Variants in SYN3 observed in about 807,000 individuals in gnomAD.
The protein encoded by SYN3 is synapsin III, also known as synapsin-3.
SYN3 carries 35 observed loss-of-function variants against 65.8 expected under a neutral mutation model. The observed-to-expected ratio is 0.53, with a 90% CI of 0.41 to 0.70. The LOEUF (loss-of-function observed/expected upper bound fraction) is 0.70, where lower values mean the gene tolerates loss of function less well. Among genes scored for constraint, SYN3 ranks in the 30% least tolerant of loss-of-function variants. SYN3 has a pLI of 0.00. For synonymous variants in SYN3, 270 were observed against 292.9 expected (o/e 0.92, Z 0.80); for missense variants, 680 against 749.0 (o/e 0.91, Z 1.08).
intron 2 of SYN3, among the ~76,000 whole-genome samples, chr22:32,985,333 TAAAC>T (rs1054896387): frequency 6.6e-6 from 1 of 152,036 alleles, no homozygotes; most frequent in Non-Finnish European, 1.5e-5. Context: ...GACCCACAAA[TAAAC>T]AAAACAATCT....
chr22:32,674,433 G>T (rs1223801486), intron 6 of SYN3, among the ~76,000 whole-genome samples: 1 of 152,312 alleles, frequency 6.6e-6, no homozygotes, highest in African/African-American at 2.4e-5. Context: ...CTTTGCTTCT[G>T]TTGCTCTCTT....
intron 9 of SYN3, 103 bp from the exon 10 acceptor site, chr22:32,533,998 G>A: frequency 1.4e-6 from 1 of 702,092 alleles, no homozygotes; most frequent in Non-Finnish European, 2.5e-6. Flanking sequence ...GGGAGGGACA[G>A]TGACTCACAC....
chr22:32,934,870 G>A (rs1024776743), intron 3 of SYN3, among the ~76,000 whole-genome samples: 9 of 152,120 alleles, frequency 5.9e-5, no homozygotes, highest in Admixed American at 4.6e-4. Context: ...GAGAAGAGAC[G>A]AGGAAAAGAC....
intron 7 of SYN3, among the ~76,000 whole-genome samples, chr22:32,585,638 A>C (rs1015775410): frequency 6.6e-6 from 1 of 152,184 alleles, no homozygotes; most frequent in South Asian, 2.1e-4. Context: ...TGGCAGAGGA[A>C]GATCTCAGGT....
At chr22:33,011,752 A>G (rs2053357097) in intron 1 of SYN3, among the ~76,000 whole-genome samples, 1 of 152,122 alleles carries the variant, frequency 6.6e-6, no homozygotes, top group African/African-American at 2.4e-5. Flanking sequence ...CTCTTTTATA[A>G]AGCTATTCAT....
intron 2 of SYN3, among the ~76,000 whole-genome samples, chr22:32,992,852 CTCCAGTCTAGATATTCTGAT>C (rs1475618698): frequency 5.3e-5 from 8 of 152,140 alleles, no homozygotes; most frequent in Admixed American, 2.6e-4. Context: ...ATCTCCTGAG[CTCCAGTCTAGATATTCTGAT>C]TCCATCATTG....
At chr22:32,645,270 G>A (rs1456124401) in intron 6 of SYN3, among the ~76,000 whole-genome samples, 1 of 152,068 alleles carries the variant, frequency 6.6e-6, no homozygotes, top group Non-Finnish European at 1.5e-5. Flanking sequence ...TGACCAACAT[G>A]GAGAAACCCC....
Position 32,528,005 on chromosome 22 carries a change from C to T in SYN3, c.1231G>A (p.Ala411Thr), listed in dbSNP as rs2146134588. 1.3e-6 allele frequency: 2 copies of T among 1,562,064 alleles called. No individual in the cohort carries two copies. The highest frequency in any genetic ancestry group is 8.7e-7 in the Non-Finnish European group (1 of 1,151,694). Residue 411 changes from alanine to threonine, a missense_variant and splice_region_variant, in exon 12 of 14, where the codon GCT becomes ACT. Coordinates refer to ENST00000358763, the MANE Select transcript of SYN3 (RefSeq NM_003490.4). ...GTAPSPLRPW[A>T]PQIKSAKSPG... ...GATTTCGCTGATTTAATCTGTGGAG[C>T]CTAGAGCAGAAGAGAAAAGAAGCCT...
chr22:32,582,291 C>T (rs949238113), intron 7 of SYN3, among the ~76,000 whole-genome samples: 7 of 152,020 alleles, frequency 4.6e-5, no homozygotes, highest in African/African-American at 1.7e-4. Context: ...TGCAAATCAC[C>T]TGTGCATTTT....
In SYN3 at chr22:32,570,096, T is replaced by TA. The variant is rs879527081; in HGVS notation, c.774+26577dup. Among the ~76,000 whole-genome samples the TA allele has an allele frequency of 9.2e-5, 14 of 152,328 alleles. No individual in the cohort carries two copies. The East Asian group carries it at 1.7e-3, about 19-fold the overall frequency. On this transcript the variant is annotated intron_variant, in intron 7 of 13. Transcript: ENST00000358763. ...TGTTAGGTGCCACAATGGCTGGACT[T>TA]ATCTTGCTCATGCATAGCTTCCGAG...
Position 32,956,041 on chromosome 22 carries a change from C to CATATATATATATATATATATAT in SYN3, c.370-24561_370-24560insATATATATATATATATATATAT, listed in dbSNP as rs5845054. The stretch of plus-strand genomic sequence containing the variant: ...GAGTTAATACTACTTAATAAATTCA[C>CATATATATATATATATATATAT]ATATATATATATATATATATAAAAT... On this transcript the variant is annotated intron_variant, in intron 3 of 13. Transcript: ENST00000358763. Among the ~76,000 whole-genome samples the CATATATATATATATATATATAT allele has an allele frequency of 5.1e-3, 668 of 130,486 alleles. 10 individuals carry two copies. The highest frequency in any genetic ancestry group is 0.015 in the African/African-American group (463 of 30,042). 85.6% of individuals were successfully genotyped at this position (130,486 alleles called of 152,430 possible).
intron 7 of SYN3, among the ~76,000 whole-genome samples, chr22:32,545,022 G>A (rs2058316214): frequency 6.6e-6 from 1 of 152,192 alleles, no homozygotes; most frequent in African/African-American, 2.4e-5. Flanking sequence ...ACCGCTGTGT[G>A]GCCACATTTT....
At chr22:32,643,107 C>G (rs142693433) in intron 6 of SYN3, among the ~76,000 whole-genome samples, 2 of 152,050 alleles carry the variant, frequency 1.3e-5, no homozygotes, top group Admixed American at 6.6e-5. Context: ...GAGATGGAAT[C>G]TCACTCTGTC....
chr22:33,040,404 T>A (rs1253377805), intron 1 of SYN3, among the ~76,000 whole-genome samples: 1 of 152,178 alleles, frequency 6.6e-6, no homozygotes, highest in Admixed American at 6.5e-5. Flanking sequence ...CAAACATGCA[T>A]CATGCCTTTC....
chr22:32,662,198 C>T (rs2060225921), intron 6 of SYN3, among the ~76,000 whole-genome samples: 3 of 152,150 alleles, frequency 2.0e-5, no homozygotes, highest in Admixed American at 6.5e-5. Flanking sequence ...ACCTCTGCAA[C>T]GTCTCCTTTT....
chr22:32,939,066 A>G (rs1198199984), intron 3 of SYN3, among the ~76,000 whole-genome samples: 2 of 152,266 alleles, frequency 1.3e-5, no homozygotes, highest in Non-Finnish European at 2.9e-5. Context: ...ATTTGTACCA[A>G]TACAAAATGA....
rs1445043506 is a variant in SYN3 at position 32,550,263 on chromosome 22, T to C, written c.775-8550A>G. Among the ~76,000 whole-genome samples the C allele has an allele frequency of 2.0e-5, 3 of 152,072 alleles. No individual in the cohort carries two copies. In the East Asian group the frequency reaches 5.8e-4, roughly 29 times the overall value. ...CTATTACTTATAACCCACAGTATTA[T>C]AATATACTTATTTGACTGTCCTTCA... On this transcript the variant is annotated intron_variant, in intron 7 of 13. Transcript: ENST00000358763.
intron 6 of SYN3, among the ~76,000 whole-genome samples, chr22:32,767,444 T>G (rs1176149885): frequency 2.0e-5 from 3 of 152,134 alleles, no homozygotes; most frequent in Admixed American, 2.0e-4. Context: ...CTTCCCTCAT[T>G]TTGAGATCCA....
intron 6 of SYN3, among the ~76,000 whole-genome samples, chr22:32,776,828 C>G (rs1262925171): frequency 6.6e-6 from 1 of 152,188 alleles, no homozygotes; most frequent in African/African-American, 2.4e-5. Context: ...GCTTACCTAG[C>G]TGGCCATGGC....
Sources: allele counts gnomAD v4.1 joint callset (sites outside exome capture counted in the v4.1 genomes callset), GRCh38; gene constraint gnomAD v4.1.1; transcripts MANE v1.5; gene names NCBI Gene and HGNC (gene_info 2026-07-23, HGNC 2026-07-21).